Variants in ZFAT observed in about 807,000 individuals in gnomAD.
The protein encoded by ZFAT is zinc finger protein ZFAT.
ZFAT carries 64 observed loss-of-function variants against 117.7 expected under a neutral mutation model. The ratio of observed to expected loss-of-function variants is 0.54; its 90% CI spans 0.44 to 0.67. ZFAT has a LOEUF of 0.67. ZFAT is among the 30% of genes least tolerant of loss of function. The pLI is 0.00. For missense variants in ZFAT, 1,433 were observed against 1,584.5 expected (o/e 0.90, Z 1.62); for synonymous variants, 679 against 615.0 (o/e 1.10, Z -1.54).
chr8:134,543,713 G>A (rs753383088), intron 11 of ZFAT, among the ~76,000 whole-genome samples: 27 of 152,054 alleles, frequency 1.8e-4, no homozygotes, highest in Non-Finnish European at 3.7e-4. Context: ...GTCATCTAGT[G>A]AAACATGCCA....
At chr8:134,546,569 C>T (rs1586682780) in intron 11 of ZFAT, among the ~76,000 whole-genome samples, 2 of 152,084 alleles carry the variant, frequency 1.3e-5, no homozygotes, top group South Asian at 2.1e-4. Flanking sequence ...AATCAGAGCC[C>T]GTAAAGGATG....
intron 7 of ZFAT, among the ~76,000 whole-genome samples, chr8:134,592,731 T>G (rs1826603486): frequency 6.6e-6 from 1 of 152,202 alleles, no homozygotes; most frequent in Admixed American, 6.5e-5. Context: ...TGGGCTAATA[T>G]TCCCTGGGAG....
chr8:134,502,976 AGT>A (rs1819107557), intron 15 of ZFAT, among the ~76,000 whole-genome samples: 3 of 152,210 alleles, frequency 2.0e-5, no homozygotes, highest in East Asian at 3.8e-4. Context: ...ACTGGCAGGC[AGT>A]GTGTGTGACA....
rs192292042 is a variant in ZFAT at position 134,610,520 on chromosome 8, G to T, written c.584C>A (p.Ala195Glu). 2 of 1,614,002 alleles carry T rather than the reference G, an allele frequency of 1.2e-6. No individual in the cohort carries two copies. The highest frequency in any genetic ancestry group is 2.2e-5 in the East Asian group (1 of 44,864). The change falls in exon 4 of 16, where the codon GCG (alanine) becomes GAG (glutamate). Residue 195 changes from alanine to glutamate, a missense_variant. Around this residue, in one of 5 missense-constraint regions of ZFAT, gnomAD observed 436 missense variants for 482.0 expected, o/e 0.90. Coordinates refer to ENST00000377838, the MANE Select transcript of ZFAT (RefSeq NM_020863.4). ...AACCACACTTATGATGGGTTTCTTC[G>T]CCCCAGAAAGCTGTCTGGCCTCCTT... is the stretch of plus-strand genomic sequence containing the variant. The part of the protein sequence containing the change: ...SGKEARQLSG[A>E]KKPIISVVLT...
the ZFAT span, among the ~76,000 whole-genome samples, chr8:134,724,917 C>A: frequency 0.13 from 20,114 of 152,162 alleles, 2,586 homozygotes; most frequent in African/African-American, 0.34. Flanking sequence ...AAGTCCTTGG[C>A]AACCAAGCTC....
the ZFAT span, among the ~76,000 whole-genome samples, chr8:134,824,685 C>T: frequency 1.2e-4 from 19 of 152,258 alleles, no homozygotes; most frequent in South Asian, 3.7e-3. Flanking sequence ...AGTAGTTGTT[C>T]ATCAATTACA....
the ZFAT span, among the ~76,000 whole-genome samples, chr8:134,734,296 G>A: frequency 2.0e-5 from 3 of 152,188 alleles, no homozygotes; most frequent in Non-Finnish European, 4.4e-5. Flanking sequence ...GGCTCCTGTC[G>A]CTTCGGGCTG....
At chr8:134,632,325 ACATAC>A (rs1237600202) in intron 3 of ZFAT, among the ~76,000 whole-genome samples, 1 of 152,246 alleles carries the variant, frequency 6.6e-6, no homozygotes, top group Non-Finnish European at 1.5e-5. Context: ...AATACATATA[ACATAC>A]CAAATATGTG....
the ZFAT span, chr8:134,784,456 C>T: frequency 6.6e-6 from 1 of 152,094 alleles, no homozygotes; most frequent in Non-Finnish European, 1.5e-5. Flanking sequence ...TAATGCTAAT[C>T]ACTAGAACCC....
the ZFAT span, among the ~76,000 whole-genome samples, chr8:134,815,028 A>G: frequency 6.6e-6 from 1 of 152,206 alleles, no homozygotes. Context: ...TCTATAAAGG[A>G]AAAAAGACCA....
intron 15 of ZFAT, among the ~76,000 whole-genome samples, chr8:134,486,544 AC>A (rs1311683865): frequency 6.6e-6 from 1 of 151,882 alleles, no homozygotes; most frequent in Non-Finnish European, 1.5e-5. Flanking sequence ...AAGGGAAGGC[AC>A]CCGGGGTTGT....
At chr8:134,697,024 C>G (rs1462716481) in intron 1 of ZFAT, among the ~76,000 whole-genome samples, 1 of 146,124 alleles carries the variant, frequency 6.8e-6, no homozygotes, top group African/African-American at 2.5e-5. Context: ...TTCAAGCGAT[C>G]CTCCCACCTT....
intron 7 of ZFAT, among the ~76,000 whole-genome samples, chr8:134,595,688 C>T (rs753052518): frequency 6.6e-6 from 1 of 152,290 alleles, no homozygotes; most frequent in Non-Finnish European, 1.5e-5. Context: ...TTCCTCAATG[C>T]CAAGACATCT....
chr8:134,509,661 C>T lies in ZFAT; in HGVS notation c.3450G>A (p.Ser1150=), dbSNP rs372638681. 2.9e-5 allele frequency: 46 copies of T among 1,613,332 alleles called. No individual in the cohort carries two copies. Among genetic ancestry groups the T allele is most frequent in the South Asian group, 4.4e-5 (4 of 91,044 alleles). Residue 1150 remains serine, a synonymous_variant, in exon 15 of 16, where the codon TCG becomes TCA. Coordinates refer to ENST00000377838, the MANE Select transcript of ZFAT (RefSeq NM_020863.4). Reference sequence around the variant, plus strand: ...CCGTCCCTGGTGCCATGGCAACCACCGAGGCAAGGGCAGTGGCGTCATGGG... The same window carrying T: ...CCGTCCCTGGTGCCATGGCAACCACTGAGGCAAGGGCAGTGGCGTCATGGG... The part of the protein sequence containing the change: ...AETHDATALA[S]VVAMAPGTVT...
intron 11 of ZFAT, among the ~76,000 whole-genome samples, chr8:134,559,131 G>T (rs766378054): frequency 1.3e-5 from 2 of 152,088 alleles, no homozygotes; most frequent in Non-Finnish European, 2.9e-5. Context: ...TTATTGAATA[G>T]GTAAAGCAAT....
At chr8:134,740,982 C>A in the ZFAT span, among the ~76,000 whole-genome samples, 6 of 152,120 alleles carry the variant, frequency 3.9e-5, no homozygotes, top group Non-Finnish European at 8.8e-5. Flanking sequence ...TGCGCCCTTT[C>A]TCCCTCCCTT....
chr8:134,639,679 T>C (rs915138666), intron 2 of ZFAT: 4 of 456,206 alleles, frequency 8.8e-6, no homozygotes, highest in Admixed American at 4.7e-5. Flanking sequence ...CTTTTCTCCT[T>C]ATTCTTCTTC....
At chr8:134,820,315 C>T in the ZFAT span, among the ~76,000 whole-genome samples, 1 of 152,170 alleles carries the variant, frequency 6.6e-6, no homozygotes, top group Admixed American at 6.5e-5. Flanking sequence ...CTTCAAAGAT[C>T]CTTATGTAAT....
At chr8:134,567,017 A>G (rs933219497) in intron 10 of ZFAT, among the ~76,000 whole-genome samples, 11 of 152,188 alleles carry the variant, frequency 7.2e-5, no homozygotes, top group Non-Finnish European at 1.0e-4. Context: ...ATCCTTGCAT[A>G]TAACTGACCC....
Sources: allele counts gnomAD v4.1 joint callset (sites outside exome capture counted in the v4.1 genomes callset), GRCh38; gene constraint gnomAD v4.1.1; regional missense constraint gnomAD v4.1.1; transcripts MANE v1.5; gene names NCBI Gene and HGNC (gene_info 2026-07-23, HGNC 2026-07-21).